Variants in FLRT1 observed in about 807,000 individuals in gnomAD.
FLRT1 encodes leucine-rich repeat transmembrane protein FLRT1.
Under a neutral mutation model 30.9 loss-of-function variants are expected in FLRT1, and 14 were observed. The observed-to-expected ratio is 0.45, with a 90% CI of 0.30 to 0.71. The LOEUF (loss-of-function observed/expected upper bound fraction) is 0.71. Ranked by LOEUF, FLRT1 falls within the 30% of genes least tolerant of loss-of-function variation. FLRT1 has a pLI of 0.08. For missense variants in FLRT1, 737 were observed against 949.2 expected, an observed-to-expected ratio of 0.78 and a Z score of 2.94; for synonymous variants, 368 against 430.4, an observed-to-expected ratio of 0.85 and a Z score of 1.80.
At chr11:64,050,546 G>A (rs941709973) in intron 1 of FLRT1, among the ~76,000 whole-genome samples, 1 of 152,212 alleles carries the variant, frequency 6.6e-6, no homozygotes, top group Non-Finnish European at 1.5e-5. Flanking sequence ...GTCACCTGGT[G>A]AGGACAGCCC....
At chr11:64,050,567 C>A (rs570518029) in intron 1 of FLRT1, among the ~76,000 whole-genome samples, 1 of 152,314 alleles carries the variant, frequency 6.6e-6, no homozygotes, top group South Asian at 2.1e-4. Flanking sequence ...TCCCTCACAG[C>A]GCTAAGGACA....
rs576559667 is a variant in FLRT1, at chr11:64,110,519, C to T, written c.-49-5700C>T. Among the ~76,000 whole-genome samples the T allele has an allele frequency of 1.6e-4, 24 of 152,054 alleles. No homozygotes were observed. In the East Asian group the frequency reaches 4.6e-3, roughly 29 times the overall value. On this transcript the variant is annotated intron_variant, in intron 2 of 2. Coordinates refer to ENST00000682287, the MANE Select transcript of FLRT1 (RefSeq NM_013280.5). ...AGGCAGGATTTGAACCCAGGCCTCT[C>T]TGTCCTGGAGGTTGGCAGGGGACAA...
Position 64,117,940 on chromosome 11 carries a change from G to T in FLRT1, c.1673G>T (p.Gly558Val). 2 of 1,613,668 alleles carry T rather than the reference G, an allele frequency of 1.2e-6. No homozygotes were observed. The highest frequency in any genetic ancestry group is 2.7e-5 in the African/African-American group (2 of 75,082). The change falls in exon 3 of 3, where the codon GGC becomes GTC. Residue 558 changes from glycine to valine, a missense_variant. Physicochemically the swap from Gly to Val is moderately radical, Grantham distance 109. Transcript: ENST00000682287. ...MASLPLAGII[G>V]GAVALVFLFL... ...AGCCTGCCCCTGGCGGGCATCATCG[G>T]CGGGGCAGTGGCTCTGGTCTTCCTC...
chr11:64,102,928 G>A (rs529275808), intron 1 of FLRT1, among the ~76,000 whole-genome samples: 20 of 152,194 alleles, frequency 1.3e-4, no homozygotes, highest in South Asian at 4.1e-4. Context: ...AAAATTAGCC[G>A]GGTGTGGTGG....
chr11:64,094,931 G>A (rs1341839859), intron 1 of FLRT1, among the ~76,000 whole-genome samples: 2 of 152,250 alleles, frequency 1.3e-5, no homozygotes, highest in African/African-American at 2.4e-5. Flanking sequence ...GGTAGCCACA[G>A]GTTTCCCAGC....
At chr11:64,058,140 CTG>C (rs1943826045) in intron 1 of FLRT1, among the ~76,000 whole-genome samples, 1 of 152,276 alleles carries the variant, frequency 6.6e-6, no homozygotes, top group South Asian at 2.1e-4. Context: ...CCCCCAGCGA[CTG>C]TGTTTCTGGG....
chr11:64,052,001 C>T (rs1167715983), intron 1 of FLRT1, among the ~76,000 whole-genome samples: 3 of 150,934 alleles, frequency 2.0e-5, no homozygotes, highest in Admixed American at 1.3e-4. Flanking sequence ...GGGGTCCAGG[C>T]GAGAGCTGGG....
chr11:64,037,632 G>A (rs1024257319), intron 1 of FLRT1, among the ~76,000 whole-genome samples: 3 of 152,136 alleles, frequency 2.0e-5, no homozygotes, highest in Non-Finnish European at 4.4e-5. Flanking sequence ...CTGAAGGGTC[G>A]GCCATGGGCA....
intron 2 of FLRT1, among the ~76,000 whole-genome samples, chr11:64,114,389 GTGAA>G (rs1944931771): frequency 9.1e-6 from 1 of 109,398 alleles, no homozygotes; most frequent in African/African-American, 3.1e-5. Context: ...GGATGGATGG[GTGAA>G]TGGACAGGTG....
At chr11:64,108,298 A>G (rs1408603940) in intron 2 of FLRT1, among the ~76,000 whole-genome samples, 6 of 149,144 alleles carry the variant, frequency 4.0e-5, no homozygotes, top group Non-Finnish European at 8.9e-5. Flanking sequence ...GGGCAACAAG[A>G]GCGAAACTCT....
chr11:64,109,150 G>A (rs1944816243), intron 2 of FLRT1, among the ~76,000 whole-genome samples: 1 of 152,124 alleles, frequency 6.6e-6, no homozygotes, highest in Admixed American at 6.5e-5. Flanking sequence ...AGACAGGGAT[G>A]GGGGGCTATT....
chr11:64,059,812 G>C (rs1320306276), intron 1 of FLRT1, among the ~76,000 whole-genome samples: 2 of 152,222 alleles, frequency 1.3e-5, no homozygotes, highest in African/African-American at 4.8e-5. Flanking sequence ...GGTCTTCCAA[G>C]GGTCCTGACC....
chr11:64,058,989 C>T (rs1565213508), intron 1 of FLRT1, among the ~76,000 whole-genome samples: 1 of 152,180 alleles, frequency 6.6e-6, no homozygotes, highest in Non-Finnish European at 1.5e-5. Flanking sequence ...ACCTTCAAAA[C>T]AGGGGCTCAC....
At position 64,096,443 on chromosome 11, in the gene FLRT1, C is replaced by G. The variant is rs576208928; in HGVS notation, c.-1037-6751C>G. On this transcript the variant is annotated intron_variant, in intron 1 of 2. Coordinates refer to ENST00000682287, the MANE Select transcript of FLRT1 (RefSeq NM_013280.5). The surrounding 1 kb of genome is among the most constrained non-coding windows in gnomAD (Gnocchi z 4.6). ...CTTTTTTTTTTTTGAGACTGAGTCT[C>G]GCTGTGCTGCCCAGGATGATGAAGT... 6.6e-6 allele frequency among the ~76,000 whole-genome samples: 1 copy of G among 151,522 alleles called. No homozygotes were observed. The highest frequency in any genetic ancestry group is 1.5e-5 in the Non-Finnish European group (1 of 67,882).
intron 1 of FLRT1, among the ~76,000 whole-genome samples, chr11:64,097,120 C>A (rs776859197): frequency 5.3e-5 from 8 of 152,234 alleles, no homozygotes; most frequent in Non-Finnish European, 1.0e-4. Context: ...CCCTGTTGCT[C>A]AGCTGCACTG....
At chr11:64,042,316 G>C (rs1326860852) in intron 1 of FLRT1, among the ~76,000 whole-genome samples, 2 of 152,184 alleles carry the variant, frequency 1.3e-5, no homozygotes, top group Non-Finnish European at 2.9e-5. Context: ...GGAAGGGGCT[G>C]GAGTGGCTGC....
intron 1 of FLRT1, among the ~76,000 whole-genome samples, chr11:64,071,831 G>A (rs1263368415): frequency 3.9e-5 from 6 of 152,106 alleles, no homozygotes; most frequent in African/African-American, 7.2e-5. Flanking sequence ...AAGGGGCATC[G>A]AGACTCACCC....
At chr11:64,077,051 C>T (rs997749668) in intron 1 of FLRT1, among the ~76,000 whole-genome samples, 1 of 149,160 alleles carries the variant, frequency 6.7e-6, no homozygotes, top group Admixed American at 6.7e-5. Context: ...GGAGATAGGG[C>T]AGGGTAGGGG....
intron 1 of FLRT1, among the ~76,000 whole-genome samples, chr11:64,046,118 T>C (rs978599068): frequency 6.6e-6 from 1 of 152,064 alleles, no homozygotes; most frequent in African/African-American, 2.4e-5. Context: ...ACACAGGTTC[T>C]GAGCGGCAGG....
Sources: gnomAD v4.1 joint callset for allele counts (sites outside exome capture counted in the v4.1 genomes callset) on GRCh38, gnomAD v4.1.1 for gene constraint, Gnocchi (gnomAD v3.1) non-coding constraint, MANE v1.5 for transcripts, NCBI Gene and HGNC (gene_info 2026-07-23, HGNC 2026-07-21) for gene names.